Variants in GREM2 observed in about 807,000 individuals in gnomAD.
GREM2 encodes gremlin-2.
In GREM2, 11 loss-of-function variants were observed where a neutral mutation model predicts 14.2. The observed-to-expected ratio is 0.78, with a 90% CI of 0.49 to 1.28. The LOEUF is 1.28. GREM2 is among the 50% of genes most tolerant of loss of function. The pLI is 0.00. For missense variants in GREM2, 210 were observed against 218.5 expected, an observed-to-expected ratio of 0.96 and a Z score of 0.24; for synonymous variants, 98 against 97.6, an observed-to-expected ratio of 1.00 and a Z score of -0.02.
chr1:240,533,539 T>C (rs1315898552), intron 1 of GREM2, among the ~76,000 whole-genome samples: 1 of 148,714 alleles, frequency 6.7e-6, no homozygotes, highest in Non-Finnish European at 1.5e-5. Flanking sequence ...AATAAGAAAG[T>C]CCCATCAGAA....
chr1:240,526,970 T>C (rs536645667), intron 1 of GREM2, among the ~76,000 whole-genome samples: 1 of 152,320 alleles, frequency 6.6e-6, no homozygotes, highest in South Asian at 2.1e-4. Flanking sequence ...GCTGATGTTC[T>C]ACCAGCTAAG....
Position 240,510,369 on chromosome 1 carries a change from CAAAAAAAAAAAA to C in GREM2, c.-1-16905_-1-16894del, listed in dbSNP as rs71170753. 4.7e-4 allele frequency among the ~76,000 whole-genome samples: 28 copies of C among 59,554 alleles called. No individual in the cohort carries two copies. In the Middle Eastern group the frequency reaches 0.043, roughly 92 times the overall value. The allele number at this position is 59,554 out of a possible 152,430, so 39.1% of individuals were successfully genotyped here. A position where few individuals can be genotyped will look rare whatever the true frequency, so the allele number is the denominator to read the frequency against. ...TGGGCGACAGAGCGAGACTCCGTCG[CAAAAAAAAAAAA>C]AAAAAAAAAAAAAAAAAATCAAATG... On this transcript the variant is annotated intron_variant, in intron 1 of 1. Transcript: ENST00000318160.
chr1:240,528,828 G>A (rs1425823031), intron 1 of GREM2, among the ~76,000 whole-genome samples: 2 of 152,104 alleles, frequency 1.3e-5, no homozygotes, highest in Non-Finnish European at 2.9e-5. Context: ...TCCGAGTAGA[G>A]CTTCAGATTT....
intron 1 of GREM2, among the ~76,000 whole-genome samples, chr1:240,572,695 G>T (rs1017066008): frequency 1.3e-5 from 2 of 152,142 alleles, no homozygotes; most frequent in African/African-American, 4.8e-5. Flanking sequence ...TTAGTGGATT[G>T]GTTGTTTGGG....
At chr1:240,560,066 C>G (rs960996977) in intron 1 of GREM2, among the ~76,000 whole-genome samples, 2 of 152,104 alleles carry the variant, frequency 1.3e-5, no homozygotes, top group African/African-American at 4.8e-5. Flanking sequence ...TGGGAGCATC[C>G]CTTGAGTCCA....
chr1:240,603,253 T>A (rs1292974581), intron 1 of GREM2, among the ~76,000 whole-genome samples: 1 of 152,166 alleles, frequency 6.6e-6, no homozygotes, highest in Non-Finnish European at 1.5e-5. Flanking sequence ...TTACTGGTGC[T>A]TGAGACCATC....
At chr1:240,502,299 G>A (rs1032148756) in intron 1 of GREM2, among the ~76,000 whole-genome samples, 1 of 152,192 alleles carries the variant, frequency 6.6e-6, no homozygotes, top group East Asian at 1.9e-4. Context: ...GAGGAATGGT[G>A]ACAGAGCACA....
intron 1 of GREM2, among the ~76,000 whole-genome samples, chr1:240,592,700 C>T (rs1679735400): frequency 6.6e-6 from 1 of 152,130 alleles, no homozygotes; most frequent in South Asian, 2.1e-4. Context: ...AGGCAGCCTT[C>T]AATACACAGG....
intron 1 of GREM2, among the ~76,000 whole-genome samples, chr1:240,595,424 C>G (rs1679801639): frequency 6.6e-6 from 1 of 152,172 alleles, no homozygotes; most frequent in Admixed American, 6.5e-5. Flanking sequence ...TCATCCCCTC[C>G]CCATGCACCC....
At chr1:240,529,239 CTTTTTT>C (rs36061225) in intron 1 of GREM2, among the ~76,000 whole-genome samples, 1 of 96,086 alleles carries the variant, frequency 1.0e-5, no homozygotes, top group Admixed American at 1.1e-4. Flanking sequence ...AGTGGATAGG[CTTTTTT>C]TTTTTTTTTT....
intron 1 of GREM2, among the ~76,000 whole-genome samples, chr1:240,524,128 C>T (rs770728581): frequency 1.6e-4 from 25 of 152,246 alleles, no homozygotes; most frequent in Non-Finnish European, 1.8e-4. Flanking sequence ...GCAATCCTTC[C>T]GCCTCAGCAT....
chr1:240,600,748 T>A (rs369449411), intron 1 of GREM2, among the ~76,000 whole-genome samples: 4 of 152,256 alleles, frequency 2.6e-5, no homozygotes, highest in African/African-American at 9.6e-5. Flanking sequence ...CCTCCCAAAA[T>A]GCTGGGATTA....
At chr1:240,496,463 G>A (rs200661440) in intron 1 of GREM2, among the ~76,000 whole-genome samples, 6 of 152,230 alleles carry the variant, frequency 3.9e-5, no homozygotes, top group East Asian at 1.9e-4. Flanking sequence ...CTCTTTGCTC[G>A]GTTACCACCT....
chr1:240,520,139 G>A (rs1397245077), intron 1 of GREM2, among the ~76,000 whole-genome samples: 1 of 140,740 alleles, frequency 7.1e-6, no homozygotes, highest in East Asian at 2.0e-4. Context: ...CTATAATCCG[G>A]AATTGCTCTC....
intron 1 of GREM2, among the ~76,000 whole-genome samples, chr1:240,547,801 A>G (rs937123671): frequency 1.3e-5 from 2 of 152,108 alleles, no homozygotes; most frequent in Admixed American, 6.6e-5. Context: ...AAATCTCTCC[A>G]CTTAATATAT....
intron 1 of GREM2, among the ~76,000 whole-genome samples, chr1:240,503,212 T>G (rs545131868): frequency 2.6e-5 from 4 of 152,344 alleles, no homozygotes; most frequent in African/African-American, 9.6e-5. Flanking sequence ...AGTTAAATTC[T>G]TTAGTATTTA....
intron 1 of GREM2, among the ~76,000 whole-genome samples, chr1:240,537,733 C>T (rs529250110): frequency 7.9e-5 from 12 of 152,038 alleles, no homozygotes; most frequent in Admixed American, 1.3e-4. Context: ...TGCAGTGAGC[C>T]GAGATGGCGC....
chr1:240,583,641 C>T (rs10926305), intron 1 of GREM2, among the ~76,000 whole-genome samples: 34,087 of 150,752 alleles, frequency 0.23, 4,053 homozygotes, highest in South Asian at 0.35. Context: ...CTCACTCTGT[C>T]GCCAGGCTGG....
chr1:240,601,977 T>C (rs923286424), intron 1 of GREM2, among the ~76,000 whole-genome samples: 2 of 150,676 alleles, frequency 1.3e-5, no homozygotes, highest in South Asian at 2.1e-4. Flanking sequence ...AAGTGCTCAA[T>C]AAATCCTCTC....
Sources: allele counts gnomAD v4.1 joint callset (sites outside exome capture counted in the v4.1 genomes callset), GRCh38; gene constraint gnomAD v4.1.1; transcripts MANE v1.5; gene names NCBI Gene and HGNC (gene_info 2026-07-23, HGNC 2026-07-21).